CCDC30: variants seen among roughly 807,000 people sequenced by gnomAD.
The protein encoded by CCDC30 is coiled-coil domain-containing protein 30.
Under a neutral mutation model 100.2 loss-of-function variants are expected in CCDC30, and 70 were observed. That is an observed-to-expected ratio of 0.70 (90% CI 0.58 to 0.85). CCDC30 has a LOEUF of 0.85. Among genes scored for constraint, CCDC30 ranks in the 40% least tolerant of loss-of-function variants. The pLI, the probability that CCDC30 is intolerant of heterozygous loss-of-function variation, is 0.00. For synonymous variants in CCDC30, 233 were observed against 269.5 expected (o/e 0.86, Z 1.33); for missense variants, 652 against 771.2 (o/e 0.85, Z 1.83).
At chr1:42,459,720 C>T (rs748847721), upstream of CCDC30, 8 of 1,614,014 alleles carry the variant, frequency 5.0e-6, no homozygotes, top group African/African-American at 5.3e-5. Context: ...TAATCGAGCT[C>T]GGAAGGCTTT....
At chr1:42,556,358 C>A in intron 6 of CCDC30, 1 of 1,614,078 alleles carries the variant, frequency 6.2e-7, no homozygotes, top group Non-Finnish European at 8.5e-7. Flanking sequence ...TCAGAGCCTT[C>A]TTCAGTCTCA....
At chr1:42,563,191 C>CCATTTACAATAGCA (rs1429965314) in intron 6 of CCDC30, among the ~76,000 whole-genome samples, 1 of 152,158 alleles carries the variant, frequency 6.6e-6, no homozygotes, top group African/African-American at 2.4e-5. Context: ...ATAGCAAAGA[C>CCATTTACAATAGCA]ATGGAACCAA....
chr1:42,456,792 C>T, the CCDC30 span: 1 of 1,613,090 alleles, frequency 6.2e-7, no homozygotes, highest in African/African-American at 1.3e-5. Context: ...TTCCTAGCCG[C>T]CGGCTACGGG....
At chr1:42,648,875 G>C (rs1423898346) in intron 15 of CCDC30, among the ~76,000 whole-genome samples, 1 of 151,856 alleles carries the variant, frequency 6.6e-6, no homozygotes, top group Non-Finnish European at 1.5e-5. Context: ...CATAACAACT[G>C]AGATCTCAGA....
At chr1:42,460,189 T>TG (rs1643372589), upstream of CCDC30, 2 of 1,155,320 alleles carry the variant, frequency 1.7e-6, no homozygotes, top group Non-Finnish European at 2.1e-6. Flanking sequence ...AAAATATACA[T>TG]GGGGGCCTGA....
chr1:42,610,758 T>G (rs1311222494), intron 10 of CCDC30, among the ~76,000 whole-genome samples: 2 of 152,042 alleles, frequency 1.3e-5, no homozygotes, highest in African/African-American at 4.8e-5. Context: ...ATTAGATGCT[T>G]ACAAAATTAT....
chr1:42,608,556 A>T (rs1296571240), intron 10 of CCDC30, among the ~76,000 whole-genome samples: 3 of 150,468 alleles, frequency 2.0e-5, no homozygotes, highest in Admixed American at 2.0e-4. Context: ...AAAAAAAATT[A>T]GCCGGACGTG....
chr1:42,648,627 G>T (rs1311704565), intron 15 of CCDC30, among the ~76,000 whole-genome samples: 1 of 152,088 alleles, frequency 6.6e-6, no homozygotes, highest in African/African-American at 2.4e-5. Flanking sequence ...CCGAGATCAC[G>T]CCACTGCTCT....
chr1:42,461,607 C>T (rs1433210721), upstream of CCDC30, among the ~76,000 whole-genome samples: 1 of 149,346 alleles, frequency 6.7e-6, no homozygotes, highest in Admixed American at 6.7e-5. Context: ...AGTGCAGTGG[C>T]ACAATCTCGG....
At chr1:42,547,273 C>T (rs1321377698) in intron 6 of CCDC30, among the ~76,000 whole-genome samples, 1 of 151,992 alleles carries the variant, frequency 6.6e-6, no homozygotes, top group East Asian at 1.9e-4. Flanking sequence ...GGAACAGTGT[C>T]TTACAGGATT....
intron 6 of CCDC30, among the ~76,000 whole-genome samples, chr1:42,561,150 CA>C (rs1645478318): frequency 6.6e-6 from 1 of 152,016 alleles, no homozygotes; most frequent in African/African-American, 2.4e-5. Context: ...AGAGACACAA[CA>C]AAAAAAGAAA....
At chr1:42,481,821 T>A (rs1439858849) in intron 2 of CCDC30, among the ~76,000 whole-genome samples, 1 of 152,136 alleles carries the variant, frequency 6.6e-6, no homozygotes, top group Non-Finnish European at 1.5e-5. Context: ...AAACTGTACA[T>A]CACAGTATTA....
chr1:42,463,459 A>C (rs2275117), exon 1 of CCDC30: 61,347 of 152,040 alleles, frequency 0.4, 13,030 homozygotes, highest in East Asian at 0.59. Flanking sequence ...TTTCCGCATT[A>C]CGGGCCTTTT....
At chr1:42,630,073 C>T (rs535030866) in intron 11 of CCDC30, among the ~76,000 whole-genome samples, 1 of 146,650 alleles carries the variant, frequency 6.8e-6, no homozygotes, top group East Asian at 2.1e-4. Flanking sequence ...CTCCCGGGTT[C>T]AAGCGATTCT....
At chr1:42,570,874 AT>A (rs1159416890) in intron 7 of CCDC30, 3 of 152,030 alleles carry the variant, frequency 2.0e-5, no homozygotes, top group Non-Finnish European at 2.9e-5. Flanking sequence ...GCTTATGGAC[AT>A]TTTACGTGTT....
chr1:42,610,208 A>G (rs1646590444), intron 10 of CCDC30, among the ~76,000 whole-genome samples: 1 of 152,198 alleles, frequency 6.6e-6, no homozygotes, highest in East Asian at 1.9e-4. Flanking sequence ...ACTATAAGTG[A>G]TAATCAATTC....
rs559135475 is a variant in CCDC30, at chr1:42,540,632, ATT to A, written c.457-25663_457-25662del. Among the ~76,000 whole-genome samples, 787 of 150,456 alleles carry A rather than the reference ATT, an allele frequency of 5.2e-3. 7 individuals carry two copies. Among genetic ancestry groups the A allele is most frequent in the African/African-American group, 0.019 (760 of 40,702 alleles). On this transcript the variant is annotated intron_variant, in intron 6 of 16. Transcript: ENST00000668663. Reference sequence around the variant, plus strand: ...AACATGGTATCGTGTTTACCTTATCATTGTCTCTCTTTCCCTCTACACACACA... The same window carrying A: ...AACATGGTATCGTGTTTACCTTATCAGTCTCTCTTTCCCTCTACACACACA...
intron 6 of CCDC30, chr1:42,537,440 G>A (rs1644927271): frequency 5.6e-6 from 2 of 355,506 alleles, no homozygotes; most frequent in Admixed American, 3.8e-5. Context: ...CCCTCTTCCT[G>A]TGGTTTTGGG....
chr1:42,475,448 G>A (rs1288545164), intron 1 of CCDC30, among the ~76,000 whole-genome samples: 2 of 152,116 alleles, frequency 1.3e-5, no homozygotes, highest in Non-Finnish European at 2.9e-5. Flanking sequence ...AAAATGAACA[G>A]CTTAGACATG....
Sources: allele counts gnomAD v4.1 joint callset (sites outside exome capture counted in the v4.1 genomes callset), GRCh38; gene constraint gnomAD v4.1.1; transcripts MANE v1.5; gene names NCBI Gene and HGNC (gene_info 2026-07-23, HGNC 2026-07-21).